ZNF280D: variants seen among roughly 807,000 people sequenced by gnomAD.
ZNF280D encodes the protein zinc finger protein 280D, also known as suppressor of hairy wing homolog 4.
ZNF280D carries 39 observed loss-of-function variants against 94.7 expected under a neutral mutation model. That is an observed-to-expected ratio of 0.41 (90% confidence interval 0.32 to 0.54). The LOEUF is 0.54. Ranked by LOEUF, ZNF280D falls within the 20% of genes least tolerant of loss-of-function variation. ZNF280D has a pLI of 0.22. For missense variants in ZNF280D, 1,090 were observed against 1,149.3 expected (o/e 0.95, Z 0.75); for synonymous variants, 398 against 377.6 (o/e 1.05, Z -0.63).
intron 4 of ZNF280D, among the ~76,000 whole-genome samples, chr15:56,701,646 CA>C (rs1411099048): frequency 6.6e-6 from 1 of 152,054 alleles, no homozygotes; most frequent in Non-Finnish European, 1.5e-5. Context: ...CTGTTACATA[CA>C]GTCAGGTTCC....
chr15:56,715,557 T>A (rs909282429), intron 1 of ZNF280D, among the ~76,000 whole-genome samples: 2 of 152,044 alleles, frequency 1.3e-5, no homozygotes, highest in Non-Finnish European at 2.9e-5. Flanking sequence ...TATGCATGAG[T>A]AGAGAGTATA....
intron 11 of ZNF280D, 59 bp from the exon 12 acceptor site, chr15:56,677,733 T>C: frequency 1.6e-6 from 1 of 641,286 alleles, no homozygotes; most frequent in African/African-American, 2.0e-5. Flanking sequence ...AAAATTAATT[T>C]TATACATCTA....
chr15:56,647,450 G>A (rs2052959690), intron 19 of ZNF280D, among the ~76,000 whole-genome samples: 1 of 152,172 alleles, frequency 6.6e-6, no homozygotes, highest in African/African-American at 2.4e-5. Context: ...GGTGCTTACA[G>A]AACATTCATA....
At chr15:56,676,647 A>T in intron 13 of ZNF280D, 23 bp downstream of exon 13, 1 of 1,567,248 alleles carries the variant, frequency 6.4e-7, no homozygotes, top group Non-Finnish European at 8.6e-7. Context: ...CATAATAAAC[A>T]AATAAGAACT....
intron 19 of ZNF280D, among the ~76,000 whole-genome samples, chr15:56,650,737 C>A (rs570262477): frequency 6.6e-6 from 1 of 152,114 alleles, no homozygotes; most frequent in Non-Finnish European, 1.5e-5. Flanking sequence ...AAGAAACTTA[C>A]AAAACTCAAA....
At chr15:56,700,503 G>A in intron 6 of ZNF280D, 1 of 1,006,268 alleles carries the variant, frequency 9.9e-7, no homozygotes, top group Non-Finnish European at 1.2e-6. Context: ...TTTTGTAATA[G>A]GAAAAAATGT....
intron 4 of ZNF280D, 91 bp downstream of exon 4, chr15:56,704,030 T>A: frequency 4.3e-6 from 6 of 1,392,160 alleles, no homozygotes; most frequent in Non-Finnish European, 5.9e-6. Context: ...CAGTGGAACA[T>A]GAACATCAAC....
At chr15:56,715,046 T>C (rs1001663427) in intron 1 of ZNF280D, among the ~76,000 whole-genome samples, 6 of 152,074 alleles carry the variant, frequency 3.9e-5, no homozygotes, top group African/African-American at 1.4e-4. Context: ...CTTGATAACG[T>C]GTTGGGGGCA....
At chr15:56,656,125 C>T (rs574284082) in intron 17 of ZNF280D, among the ~76,000 whole-genome samples, 1 of 152,254 alleles carries the variant, frequency 6.6e-6, no homozygotes, top group East Asian at 1.9e-4. Context: ...ATGTTCACAC[C>T]TTAACTCCCA....
chr15:56,730,161 T>C (rs2058819023), intron 1 of ZNF280D: 1 of 152,166 alleles, frequency 6.6e-6, no homozygotes. Context: ...TTAAAATTGC[T>C]CTGGAGAAAT....
rs1304616708 is a variant in ZNF280D, at chr15:56,665,429, A to G, written c.1994+966T>C. 2.0e-5 allele frequency among the ~76,000 whole-genome samples: 3 copies of G among 152,172 alleles called. No individual in the cohort carries two copies. The East Asian group carries it at 5.8e-4, about 29-fold the overall frequency. On this transcript the variant is annotated intron_variant, in intron 16 of 21. Transcript: ENST00000267807. Reference sequence around the variant, plus strand: ...AAAAATGAAAATAATGCAGACTCTGAAGGCTTTTCCTAACATAGTGTAAAT... The same window carrying G: ...AAAAATGAAAATAATGCAGACTCTGGAGGCTTTTCCTAACATAGTGTAAAT...
At chr15:56,664,158 G>A (rs2054137078) in intron 16 of ZNF280D, among the ~76,000 whole-genome samples, 1 of 152,124 alleles carries the variant, frequency 6.6e-6, no homozygotes, top group African/African-American at 2.4e-5. Flanking sequence ...GAAAAATAGG[G>A]AGTAAATATG....
Position 56,631,654 on chromosome 15 carries a change from C to T in ZNF280D, c.2784G>A (p.Glu928=). The T allele has an allele frequency of 1.2e-6, 2 of 1,614,158 alleles. No individual in the cohort carries two copies. The highest frequency in any genetic ancestry group is 1.1e-5 in the South Asian group (1 of 91,072). Residue 928 remains glutamate (E), a synonymous_variant, in exon 22 of 22, where the codon GAG becomes GAA. Transcript: ENST00000267807. ...LEPLTPSEVL[E]YEATEILQKG... is the part of the protein sequence containing the mutation. Reference sequence around the variant, plus strand: ...TCTGAAGAATCTCTGTGGCTTCATACTCAAGTACCTCGGATGGAGTCAGAG... The same window carrying T: ...TCTGAAGAATCTCTGTGGCTTCATATTCAAGTACCTCGGATGGAGTCAGAG...
At chr15:56,671,441 C>T (rs1246442827) in intron 13 of ZNF280D, among the ~76,000 whole-genome samples, 1 of 152,040 alleles carries the variant, frequency 6.6e-6, no homozygotes, top group East Asian at 1.9e-4. Flanking sequence ...GAATCCTTTC[C>T]CCATAGCTTG....
At chr15:56,712,145 T>A (rs975620337) in intron 1 of ZNF280D, among the ~76,000 whole-genome samples, 2 of 152,132 alleles carry the variant, frequency 1.3e-5, no homozygotes, top group Admixed American at 6.5e-5. Context: ...GTCAAATCTA[T>A]CCTACCACAT....
At chr15:56,703,994 C>G in intron 4 of ZNF280D, 127 bp downstream of exon 4, 1 of 979,294 alleles carries the variant, frequency 1.0e-6, no homozygotes, top group Non-Finnish European at 1.4e-6. Context: ...CCTCCTTCCT[C>G]AAGTCCCCAA....
At chr15:56,637,330 A>G (rs2052400490) in intron 20 of ZNF280D, among the ~76,000 whole-genome samples, 1 of 141,666 alleles carries the variant, frequency 7.1e-6, no homozygotes. Flanking sequence ...TGTGCTCAAC[A>G]TGACTGGCTA....
At chr15:56,712,742 T>A (rs1404946352) in intron 1 of ZNF280D, among the ~76,000 whole-genome samples, 2 of 146,296 alleles carry the variant, frequency 1.4e-5, no homozygotes, top group Admixed American at 1.4e-4. Flanking sequence ...GTGAATGGCT[T>A]TTTTTTTTTT....
chr15:56,635,603 T>A (rs193213102), intron 20 of ZNF280D: 1 of 153,036 alleles, frequency 6.5e-6, no homozygotes, highest in East Asian at 1.9e-4. Flanking sequence ...TGAATTTGAA[T>A]AACAAGATGC....
Sources: gnomAD v4.1 joint callset for allele counts (sites outside exome capture counted in the v4.1 genomes callset) on GRCh38, gnomAD v4.1.1 for gene constraint, MANE v1.5 for transcripts, NCBI Gene and HGNC (gene_info 2026-07-23, HGNC 2026-07-21) for gene names.